RIPK2: variants seen among roughly 807,000 people sequenced by gnomAD.
The protein encoded by RIPK2 is receptor-interacting serine/threonine-protein kinase 2.
Under a neutral mutation model 60.9 loss-of-function variants are expected in RIPK2, and 38 were observed. The ratio of observed to expected loss-of-function variants is 0.62; its 90% CI spans 0.48 to 0.82. RIPK2 has a LOEUF of 0.82. Among genes scored for constraint, RIPK2 ranks in the 40% least tolerant of loss-of-function variants. The pLI, the probability that RIPK2 is intolerant of heterozygous loss-of-function variation, is 0.00. For synonymous variants in RIPK2, 225 were observed against 223.4 expected (o/e 1.01, Z -0.06); for missense variants, 518 against 647.0 (o/e 0.80, Z 2.16).
chr8:89,789,271 G>A, intron 9 of RIPK2, 50 bp from the exon 10 acceptor site: 1 of 1,520,142 alleles, frequency 6.6e-7, no homozygotes, highest in African/African-American at 1.4e-5. Context: ...TTAGCCAATA[G>A]GAATTTCTAA....
chr8:89,788,107 C>G (rs1206763568), intron 9 of RIPK2, among the ~76,000 whole-genome samples: 1 of 151,888 alleles, frequency 6.6e-6, no homozygotes, highest in African/African-American at 2.4e-5. Flanking sequence ...TTTGCAAGGC[C>G]AAGGTGGGCA....
intron 6 of RIPK2, among the ~76,000 whole-genome samples, chr8:89,774,521 C>G (rs953096682): frequency 2.6e-5 from 4 of 152,122 alleles, no homozygotes; most frequent in African/African-American, 9.7e-5. Flanking sequence ...TACCATACAA[C>G]CAAGCAATCC....
At chr8:89,769,691 C>A in intron 3 of RIPK2, 81 bp from the exon 4 acceptor site, 1 of 874,540 alleles carries the variant, frequency 1.1e-6, no homozygotes, top group Non-Finnish European at 1.7e-6. Flanking sequence ...TATCTAAATA[C>A]AGTGAATATA....
chr8:89,769,334 A>G (rs573848230), intron 3 of RIPK2, among the ~76,000 whole-genome samples: 1 of 152,002 alleles, frequency 6.6e-6, no homozygotes, highest in South Asian at 2.1e-4. Flanking sequence ...TATTAATACA[A>G]CTGTATAAAC....
intron 3 of RIPK2, among the ~76,000 whole-genome samples, chr8:89,768,946 T>C (rs112539141): frequency 0.021 from 3,152 of 151,924 alleles, 121 homozygotes; most frequent in African/African-American, 0.073. Flanking sequence ...TTTTAAGTAA[T>C]TTCAGTGTCT....
At chr8:89,765,612 G>A in intron 3 of RIPK2, 116 bp downstream of exon 3, 1 of 578,416 alleles carries the variant, frequency 1.7e-6, no homozygotes, top group Non-Finnish European at 2.9e-6. Flanking sequence ...AGAGACTAAT[G>A]AATAGTAATT....
intron 7 of RIPK2, among the ~76,000 whole-genome samples, chr8:89,782,633 T>C (rs563059295): frequency 2.0e-4 from 30 of 149,804 alleles, no homozygotes; most frequent in Non-Finnish European, 4.1e-4. Flanking sequence ...ACCAAGACCC[T>C]GTCTCTTAAG....
At chr8:89,765,127 T>A (rs1475583069) in intron 2 of RIPK2, among the ~76,000 whole-genome samples, 1 of 151,990 alleles carries the variant, frequency 6.6e-6, no homozygotes, top group Non-Finnish European at 1.5e-5. Flanking sequence ...GAAGTATTGG[T>A]GCCATAAAGT....
At chr8:89,779,048 T>A (rs1809447943) in intron 6 of RIPK2, among the ~76,000 whole-genome samples, 1 of 152,186 alleles carries the variant, frequency 6.6e-6, no homozygotes, top group African/African-American at 2.4e-5. Context: ...TCTTATGATG[T>A]TAAGCATCTT....
At chr8:89,772,395 C>T (rs1044811052) in intron 5 of RIPK2, among the ~76,000 whole-genome samples, 5 of 151,990 alleles carry the variant, frequency 3.3e-5, no homozygotes, top group Non-Finnish European at 5.9e-5. Context: ...TGCAAGGTTT[C>T]GCTCAGCTCT....
intron 4 of RIPK2, 33 bp from the exon 5 acceptor site, chr8:89,771,708 A>C: frequency 6.8e-7 from 1 of 1,476,802 alleles, no homozygotes; most frequent in African/African-American, 1.4e-5. Flanking sequence ...GTTCATTTAA[A>C]ATATGTAACA....
intron 2 of RIPK2, among the ~76,000 whole-genome samples, chr8:89,763,815 C>G (rs78929526): frequency 0.033 from 5,017 of 152,158 alleles, 268 homozygotes; most frequent in African/African-American, 0.11. Context: ...CCATTTGAAA[C>G]AAGGATGGAA....
At position 89,762,948 on chromosome 8, in the gene RIPK2, T is replaced by A. The variant is rs1809170151; in HGVS notation, c.293T>A (p.Met98Lys). 5.3e-6 allele frequency: 8 copies of A among 1,523,370 alleles called. No individual in the cohort carries two copies. The highest frequency in any genetic ancestry group is 7.1e-6 in the Non-Finnish European group (8 of 1,127,880). The allele number at this position is 1,523,370 out of a possible 1,614,324, so 94.4% of individuals were successfully genotyped here. ...TTTTTGGGAATAGTTACTGAATACA[T>A]GCCAAATGGATCATTAAATGAACTC... is the stretch of plus-strand genomic sequence containing the variant. ...PEFLGIVTEY[M>K]PNGSLNELLH... The change falls in exon 2 of 11, where the codon ATG becomes AAG. Residue 98 changes from methionine to lysine, a missense_variant. Around this residue, in one of 3 missense-constraint regions of RIPK2, gnomAD observed 448 missense variants for 534.7 expected, o/e 0.84. Transcript: ENST00000220751.
chr8:89,785,226 G>A (rs1443482332), intron 8 of RIPK2, among the ~76,000 whole-genome samples: 1 of 152,164 alleles, frequency 6.6e-6, no homozygotes. Context: ...TGTGATCCCA[G>A]AACTTTGGGA....
At chr8:89,775,436 G>A (rs1289674392) in intron 6 of RIPK2, among the ~76,000 whole-genome samples, 1 of 151,754 alleles carries the variant, frequency 6.6e-6, no homozygotes. Flanking sequence ...CAGCCTAGCT[G>A]ACAAAGCAAA....
intron 9 of RIPK2, among the ~76,000 whole-genome samples, chr8:89,787,318 A>G (rs1198180198): frequency 6.6e-6 from 1 of 152,268 alleles, no homozygotes; most frequent in African/African-American, 2.4e-5. Context: ...ATGGTAGTAC[A>G]GTGGAAGAGT....
intron 4 of RIPK2, among the ~76,000 whole-genome samples, chr8:89,770,681 T>C (rs39504): frequency 0.66 from 99,707 of 151,580 alleles, 34,587 homozygotes; most frequent in African/African-American, 0.89. Context: ...TAATAAATAA[T>C]TTGTTAATGA....
chr8:89,779,818 A>G, intron 6 of RIPK2, among the ~76,000 whole-genome samples: 1 of 152,158 alleles, frequency 6.6e-6, no homozygotes, highest in East Asian at 1.9e-4. Context: ...AGCATCATTT[A>G]TTGAAAAGGC....
At chr8:89,774,247 G>T (rs904681506) in intron 6 of RIPK2, among the ~76,000 whole-genome samples, 1 of 152,084 alleles carries the variant, frequency 6.6e-6, no homozygotes, top group Non-Finnish European at 1.5e-5. Context: ...TAAAAGATTT[G>T]AATTTCACCA....
Sources: allele counts gnomAD v4.1 joint callset (sites outside exome capture counted in the v4.1 genomes callset), GRCh38; gene constraint gnomAD v4.1.1; regional missense constraint gnomAD v4.1.1; transcripts MANE v1.5; gene names NCBI Gene and HGNC (gene_info 2026-07-23, HGNC 2026-07-21).